LUC7L2: variants seen among roughly 807,000 people sequenced by gnomAD.
The protein encoded by LUC7L2 is putative RNA-binding protein Luc7-like 2.
In LUC7L2, 25 loss-of-function variants were observed where a neutral mutation model predicts 52.8. The observed-to-expected ratio is 0.47, with a 90% CI of 0.34 to 0.66. The LOEUF is 0.66. LUC7L2 is among the 30% of genes least tolerant of loss of function. LUC7L2 has a pLI of 0.01. For synonymous variants in LUC7L2, 144 were observed against 160.9 expected (o/e 0.89, Z 0.80); for missense variants, 328 against 497.8 (o/e 0.66, Z 3.25).
chr7:139,397,285 A>AT (rs1794700655), intron 2 of LUC7L2, among the ~76,000 whole-genome samples: 1 of 152,154 alleles, frequency 6.6e-6, no homozygotes, highest in Non-Finnish European at 1.5e-5. Context: ...ATCCAGTTTA[A>AT]TTGTATCCTC....
At chr7:139,413,261 T>C (rs1265464370) in intron 8 of LUC7L2, among the ~76,000 whole-genome samples, 1 of 152,226 alleles carries the variant, frequency 6.6e-6, no homozygotes, top group Non-Finnish European at 1.5e-5. Context: ...TGTGTTGTAC[T>C]TCATCATTCT....
chr7:139,349,336 T>C (rs1380814739), intron 1 of LUC7L2, among the ~76,000 whole-genome samples: 1 of 152,240 alleles, frequency 6.6e-6, no homozygotes, highest in Non-Finnish European at 1.5e-5. Context: ...TATTATGTTA[T>C]TAAGGTTTAA....
In LUC7L2 at chr7:139,360,368, G is replaced by A. The variant is rs781408916; in HGVS notation, c.61+46G>A. 116 of 1,528,856 alleles carry A rather than the reference G, an allele frequency of 7.6e-5. No homozygotes were observed. The Admixed American group carries it at 9.5e-4, about 12-fold the overall frequency. The allele number at this position is 1,528,856 out of a possible 1,614,324, so 94.7% of individuals were successfully genotyped here. On this transcript the variant is annotated intron_variant, in intron 1 of 9. Coordinates refer to ENST00000354926, the MANE Select transcript of LUC7L2 (RefSeq NM_016019.5). ...TGGGGGTGGGGGAGGGGACGGGGAC[G>A]GCGAAGGGAAGGGGTTCCGAGGGCG... is the stretch of plus-strand genomic sequence containing the variant.
At chr7:139,356,206 A>T (rs1350779843), upstream of LUC7L2, among the ~76,000 whole-genome samples, 2 of 149,770 alleles carry the variant, frequency 1.3e-5, no homozygotes, top group Non-Finnish European at 3.0e-5. Flanking sequence ...GCTACTTGAG[A>T]GGCTGAGGTG....
chr7:139,359,721 T>G, upstream of LUC7L2: 1 of 399,030 alleles, frequency 2.5e-6, no homozygotes. Flanking sequence ...GCACAGTCAG[T>G]TAAGGAACCA....
chr7:139,398,858 T>TA (rs896335770), intron 3 of LUC7L2, among the ~76,000 whole-genome samples, 161 bp downstream of exon 3: 2 of 152,184 alleles, frequency 1.3e-5, no homozygotes, highest in African/African-American at 2.4e-5. Flanking sequence ...ACAACTCTTT[T>TA]AAAAATATGA....
chr7:139,346,691 C>T (rs568208197), intron 1 of LUC7L2, among the ~76,000 whole-genome samples: 1 of 152,206 alleles, frequency 6.6e-6, no homozygotes, highest in African/African-American at 2.4e-5. Flanking sequence ...CTGACCAATG[C>T]AGGCCCTTAG....
chr7:139,415,054 G>GTTTTTTTTTT (rs1171809951), intron 8 of LUC7L2, among the ~76,000 whole-genome samples: 39 of 54,182 alleles, frequency 7.2e-4, no homozygotes, highest in Non-Finnish European at 1.0e-3. Context: ...GCCCTGCTAA[G>GTTTTTTTTTT]TTTTTTTTTT....
intron 2 of LUC7L2, among the ~76,000 whole-genome samples, chr7:139,395,813 T>C (rs955327727): frequency 6.6e-6 from 1 of 152,096 alleles, no homozygotes; most frequent in Admixed American, 6.5e-5. Flanking sequence ...GATAATTTTT[T>C]TCTTTTTTAC....
At position 139,423,233 on chromosome 7, in the gene LUC7L2, C is replaced by G. The variant is rs186812222; in HGVS notation, c.*893C>G. 2 of 399,008 alleles carry G rather than the reference C, an allele frequency of 5.0e-6. No individual in the cohort carries two copies. Among genetic ancestry groups the G allele is most frequent in the Middle Eastern group, 6.3e-4 (1 of 1,588 alleles). The allele number at this position is 399,008 out of a possible 1,614,324, so 24.7% of individuals were successfully genotyped here. A position where few individuals can be genotyped will look rare whatever the true frequency, so the allele number is the denominator to read the frequency against. On this transcript the variant is annotated 3_prime_UTR_variant, in exon 10 of 10. Coordinates refer to ENST00000354926, the MANE Select transcript of LUC7L2 (RefSeq NM_016019.5). ...TGTGGGCATTTCCTCTATTCTGTTACGTCATTAACAGTGCCTTACTGTGCA... is the reference window on the plus strand; with the variant it reads ...TGTGGGCATTTCCTCTATTCTGTTAGGTCATTAACAGTGCCTTACTGTGCA...
In LUC7L2 at chr7:139,360,202, C is replaced by A; in HGVS notation, c.-60C>A. On this transcript the variant is annotated 5_prime_UTR_variant, in exon 1 of 10. Coordinates refer to ENST00000354926, the MANE Select transcript of LUC7L2 (RefSeq NM_016019.5). ...TCCCCCATCCCTTCCCCTTATCCCCCAGCCCAAAAGGGCCCGGTCTGCGCC... is the reference window on the plus strand; with the variant it reads ...TCCCCCATCCCTTCCCCTTATCCCCAAGCCCAAAAGGGCCCGGTCTGCGCC... 1 of 1,376,252 alleles carries A rather than the reference C, an allele frequency of 7.3e-7. No individual in the cohort carries two copies. The highest frequency in any genetic ancestry group is 1.4e-5 in the African/African-American group (1 of 68,982). The allele number at this position is 1,376,252 out of a possible 1,614,324, so 85.3% of individuals were successfully genotyped here.
chr7:139,409,267 TTC>T (rs904016043), intron 6 of LUC7L2, among the ~76,000 whole-genome samples: 18 of 151,234 alleles, frequency 1.2e-4, no homozygotes, highest in African/African-American at 3.9e-4. Flanking sequence ...CATAGCGAGA[TTC>T]TGTCTCTATT....
intron 2 of LUC7L2, among the ~76,000 whole-genome samples, chr7:139,396,562 G>T (rs1794671006): frequency 6.6e-6 from 1 of 152,150 alleles, no homozygotes; most frequent in Admixed American, 6.5e-5. Flanking sequence ...GATTGAAGTT[G>T]GTTCACATCT....
Position 139,360,297 on chromosome 7 carries a change from C to T in LUC7L2, c.36C>T (p.Asp12=). ...SAQAQMRAML[D]QLMGTSRDGD... ...AGGCCCAGATGCGCGCGATGCTGGA[C>T]CAGTTGATGGGCACCTCCCGGGACG... Residue 12 remains aspartate (D), a synonymous_variant, in exon 1 of 10, where the codon GAC becomes GAT. Transcript: ENST00000354926. 2 of 1,573,632 alleles carry T rather than the reference C, an allele frequency of 1.3e-6. No individual in the cohort carries two copies. The highest frequency in any genetic ancestry group is 1.7e-6 in the Non-Finnish European group (2 of 1,160,578).
intron 1 of LUC7L2, chr7:139,346,355 G>A (rs1799271182): frequency 6.6e-6 from 1 of 152,022 alleles, no homozygotes. Context: ...CCCATTACCA[G>A]GTGGTCACTA....
rs954175486 is a variant in LUC7L2, at chr7:139,360,043, G to A, written c.-219G>A. On this transcript the variant is annotated 5_prime_UTR_variant, in exon 1 of 10. Coordinates refer to ENST00000354926, the MANE Select transcript of LUC7L2 (RefSeq NM_016019.5). ...CCGGACGGAGAGTGAGGGCACGAGGGTCGCTGTCGGGGGCTGTCGTCTTCC... is the reference window on the plus strand; with the variant it reads ...CCGGACGGAGAGTGAGGGCACGAGGATCGCTGTCGGGGGCTGTCGTCTTCC... The A allele has an allele frequency of 1.9e-6, 1 of 533,272 alleles. No individual in the cohort carries two copies. Among genetic ancestry groups the A allele is most frequent in the African/African-American group, 2.0e-5 (1 of 49,642 alleles). The allele number at this position is 533,272 out of a possible 1,614,324, so 33.0% of individuals were successfully genotyped here.
intron 7 of LUC7L2, among the ~76,000 whole-genome samples, chr7:139,410,779 G>A (rs778779158): frequency 5.3e-5 from 8 of 152,044 alleles, no homozygotes; most frequent in African/African-American, 1.4e-4. Context: ...CACTTCCTTC[G>A]ATCTTTGAGC....
chr7:139,375,993 T>A, intron 1 of LUC7L2, 69 bp from the exon 2 acceptor site: 2 of 1,527,528 alleles, frequency 1.3e-6, no homozygotes, highest in Non-Finnish European at 9.0e-7. Flanking sequence ...AAGCTAGTAA[T>A]AGTAGGGCTC....
chr7:139,345,809 A>G, intron 1 of LUC7L2: 1 of 1,259,646 alleles, frequency 7.9e-7, no homozygotes, highest in Non-Finnish European at 1.1e-6. Context: ...TTTTCTCTGT[A>G]ATTTTGTTTA....
Sources: allele counts gnomAD v4.1 joint callset (sites outside exome capture counted in the v4.1 genomes callset), GRCh38; gene constraint gnomAD v4.1.1; transcripts MANE v1.5; gene names NCBI Gene and HGNC (gene_info 2026-07-23, HGNC 2026-07-21).